OTOGL: variants seen among roughly 807,000 people sequenced by gnomAD.
The protein encoded by OTOGL is otogelin-like protein.
Under a neutral mutation model 318.5 loss-of-function variants are expected in OTOGL, and 285 were observed. That is an observed-to-expected ratio of 0.89 (90% confidence interval 0.81 to 0.99). The LOEUF (loss-of-function observed/expected upper bound fraction) is 0.99, where lower values mean the gene tolerates loss of function less well. Ranked by LOEUF, OTOGL falls within the 50% of genes least tolerant of loss-of-function variation. The pLI is 0.00. For synonymous variants in OTOGL, 987 were observed against 936.5 expected, an observed-to-expected ratio of 1.05 and a Z score of -0.99; for missense variants, 2,899 against 2,845.6, an observed-to-expected ratio of 1.02 and a Z score of -0.43.
At chr12:80,208,249 G>A (rs767461393) in intron 1 of OTOGL, 1 of 515,400 alleles carries the variant, frequency 1.9e-6, no homozygotes, top group Non-Finnish European at 3.9e-6. Flanking sequence ...ATGATTATTG[G>A]ATTTGGAACA....
intron 1 of OTOGL, chr12:80,102,884 T>C: frequency 1.3e-6 from 1 of 782,140 alleles, no homozygotes; most frequent in Non-Finnish European, 2.3e-6. Flanking sequence ...TAATCAAAGC[T>C]TGTATATAAG....
At chr12:80,152,490 G>A (rs1353600592) in intron 1 of OTOGL, among the ~76,000 whole-genome samples, 2 of 152,056 alleles carry the variant, frequency 1.3e-5, no homozygotes, top group Non-Finnish European at 2.9e-5. Context: ...TAAACCTAAT[G>A]ACAAAATAGA....
Position 80,296,645 on chromosome 12 carries a change from C to A in OTOGL, c.2929-182C>A, listed in dbSNP as rs17006602. 0.083 allele frequency among the ~76,000 whole-genome samples: 12,596 copies of A among 152,042 alleles called. 594 individuals are homozygous for A. Among genetic ancestry groups the A allele is most frequent in the African/African-American group, 0.12 (5,029 of 41,456 alleles). ...TATAGGTGTTTAAAGATTGAGCTAT[C>A]CTACTATATTTCTATAGACTTCTTC... is the stretch of plus-strand genomic sequence containing the variant. On this transcript the variant is annotated intron_variant, in intron 26 of 58. Coordinates refer to ENST00000547103, the MANE Select transcript of OTOGL (RefSeq NM_001378609.3).
At chr12:80,231,347 G>C (rs1205629963) in intron 8 of OTOGL, among the ~76,000 whole-genome samples, 1 of 151,938 alleles carries the variant, frequency 6.6e-6, no homozygotes, top group African/African-American at 2.4e-5. Flanking sequence ...TAAACATTTA[G>C]CTATTTTTCT....
At chr12:80,122,075 T>C (rs180930762) in intron 1 of OTOGL, among the ~76,000 whole-genome samples, 30 of 152,290 alleles carry the variant, frequency 2.0e-4, no homozygotes, top group Admixed American at 2.0e-3. Context: ...TTGAATCATT[T>C]TTGATTAAGA....
At chr12:80,268,408 G>A (rs1331522676) in intron 22 of OTOGL, among the ~76,000 whole-genome samples, 1 of 152,096 alleles carries the variant, frequency 6.6e-6, no homozygotes, top group Non-Finnish European at 1.5e-5. Flanking sequence ...TACTAAAGCT[G>A]GGAGTTAGTC....
At chr12:80,353,549 GCAAA>G (rs753486766) in intron 46 of OTOGL, 39 bp downstream of exon 46, 1 of 1,339,186 alleles carries the variant, frequency 7.5e-7, no homozygotes, top group Non-Finnish European at 9.8e-7. Context: ...CAGGAATCCG[GCAAA>G]CAAACAAAAA....
At chr12:80,212,674 G>C (rs1358064148) in intron 4 of OTOGL, among the ~76,000 whole-genome samples, 2 of 152,138 alleles carry the variant, frequency 1.3e-5, no homozygotes, top group Non-Finnish European at 1.5e-5. Flanking sequence ...GCATTTCTTT[G>C]AAAAGGAATA....
intron 54 of OTOGL, 74 bp from the exon 55 acceptor site, chr12:80,368,131 A>G: frequency 9.0e-7 from 1 of 1,116,204 alleles, no homozygotes; most frequent in East Asian, 2.6e-5. Flanking sequence ...TTATGTTTGG[A>G]AGAAATAACT....
chr12:80,276,193 T>C (rs757022573), intron 24 of OTOGL, among the ~76,000 whole-genome samples: 5 of 151,932 alleles, frequency 3.3e-5, no homozygotes, highest in South Asian at 2.1e-4. Flanking sequence ...TGGTGAGGTT[T>C]CCCTCACTTA....
chr12:80,318,638 C>A lies in OTOGL; in HGVS notation c.3727C>A (p.Pro1243Thr). ...GACCAGCAGAAGCGTTTTCTGTTTG[C>A]CGAGAAGCAGTGTTCATACCAGTTT... ...NMTSRSVFCL[P>T]RSSVHTSLFF... is the part of the protein sequence containing the mutation. Residue 1243 changes from proline (P) to threonine (T), a missense_variant, in exon 33 of 59, where the codon CCG (proline) becomes ACG (threonine). Coordinates refer to ENST00000547103, the MANE Select transcript of OTOGL (RefSeq NM_001378609.3). 6.8e-7 allele frequency: 1 copy of A among 1,475,288 alleles called. No homozygotes were observed. Among genetic ancestry groups the A allele is most frequent in the South Asian group, 1.4e-5 (1 of 70,130 alleles). The allele number at this position is 1,475,288 out of a possible 1,614,324, so 91.4% of individuals were successfully genotyped here.
At chr12:80,294,342 A>T (rs12831172) in intron 26 of OTOGL, among the ~76,000 whole-genome samples, 4,749 of 152,160 alleles carry the variant, frequency 0.031, 189 homozygotes, top group Admixed American at 0.1. Flanking sequence ...ACATTGAGGC[A>T]TTTTAATTAA....
chr12:80,197,345 G>GTC (rs1876147629), intron 1 of OTOGL, among the ~76,000 whole-genome samples: 1 of 151,994 alleles, frequency 6.6e-6, no homozygotes, highest in Non-Finnish European at 1.5e-5. Flanking sequence ...ATTTGGCCCA[G>GTC]CCTCCCAAGT....
At chr12:80,307,690 A>G (rs1161250820) in intron 29 of OTOGL, among the ~76,000 whole-genome samples, 156 of 90,746 alleles carry the variant, frequency 1.7e-3, no homozygotes, top group African/African-American at 1.7e-3. Context: ...AGGGGCGGCC[A>G]GGCAGAGGCG....
chr12:80,127,953 C>G (rs1036975127), intron 1 of OTOGL, among the ~76,000 whole-genome samples: 1 of 152,068 alleles, frequency 6.6e-6, no homozygotes, highest in African/African-American at 2.4e-5. Flanking sequence ...AATCTTTTTT[C>G]AAGGTTTTTG....
chr12:80,284,028 G>T (rs187077110), intron 26 of OTOGL, among the ~76,000 whole-genome samples: 4 of 151,888 alleles, frequency 2.6e-5, no homozygotes, highest in African/African-American at 9.7e-5. Context: ...CCCTCCCTTT[G>T]CTTCCCCATC....
At chr12:80,233,191 G>A in intron 9 of OTOGL, 94 bp downstream of exon 9, 3 of 1,136,078 alleles carry the variant, frequency 2.6e-6, no homozygotes, top group Non-Finnish European at 3.6e-6. Flanking sequence ...TCATAGCTTT[G>A]GGAAAATTTG....
chr12:80,239,591 A>G (rs770796481), intron 11 of OTOGL, among the ~76,000 whole-genome samples, 152 bp downstream of exon 11: 1 of 152,216 alleles, frequency 6.6e-6, no homozygotes, highest in Non-Finnish European at 1.5e-5. Context: ...AGTTTGCTAT[A>G]TAACAGTCAC....
At chr12:80,318,965 T>C (rs973051733) in intron 33 of OTOGL, among the ~76,000 whole-genome samples, 7 of 150,780 alleles carry the variant, frequency 4.6e-5, no homozygotes, top group African/African-American at 1.5e-4. Context: ...AAATAAAATA[T>C]AGCTAAAATT....
Sources: gnomAD v4.1 joint callset for allele counts (sites outside exome capture counted in the v4.1 genomes callset) on GRCh38, gnomAD v4.1.1 for gene constraint, MANE v1.5 for transcripts, NCBI Gene and HGNC (gene_info 2026-07-23, HGNC 2026-07-21) for gene names.